Variants in UGT2B28 observed in about 807,000 individuals in gnomAD.
The protein encoded by UGT2B28 is UDP glucuronosyltransferase family 2 member B28.
In UGT2B28, 45 loss-of-function variants were observed where a neutral mutation model predicts 43.6. The observed-to-expected ratio is 1.03, with a 90% confidence interval of 0.81 to 1.32. The LOEUF is 1.32. Among genes scored for constraint, UGT2B28 ranks in the 40% most tolerant of loss-of-function variants. The pLI is 0.00. For missense variants in UGT2B28, 649 were observed against 625.5 expected, an observed-to-expected ratio of 1.04 and a Z score of -0.40; for synonymous variants, 204 against 208.1, an observed-to-expected ratio of 0.98 and a Z score of 0.17.
chr4:69,291,890 T>C lies in UGT2B28; in HGVS notation c.1310+1079T>C, dbSNP rs1723965534. Among the ~76,000 whole-genome samples, 2 of 140,342 alleles carry C rather than the reference T, an allele frequency of 1.4e-5. 1 individual carries two copies. The highest frequency in any genetic ancestry group is 4.8e-4 in the South Asian group (2 of 4,146). 92.1% of individuals were successfully genotyped at this position (140,342 alleles called of 152,430 possible). Reference sequence around the variant, plus strand: ...CTGTTGTCAAACCCCTTATTGTCTGTCTTTTTGTTACAGCCTTCTTAGTGG... The same window carrying C: ...CTGTTGTCAAACCCCTTATTGTCTGCCTTTTTGTTACAGCCTTCTTAGTGG... On this transcript the variant is annotated intron_variant, in intron 5 of 5. Coordinates refer to ENST00000335568, the MANE Select transcript of UGT2B28 (RefSeq NM_053039.2).
chr4:69,285,395 G>C (rs1364186505), intron 2 of UGT2B28, among the ~76,000 whole-genome samples: 1 of 139,478 alleles, frequency 7.2e-6, no homozygotes, highest in East Asian at 2.0e-4. Flanking sequence ...TATCAGTGAT[G>C]AATCTCTAAA....
rs576828617 is a variant in UGT2B28 at position 69,288,055 on chromosome 4, A to T, written c.1002+1172A>T. Among the ~76,000 whole-genome samples, 169 of 140,214 alleles carry T rather than the reference A, an allele frequency of 1.2e-3. 22 individuals carry two copies. The highest frequency in any genetic ancestry group is 2.0e-3 in the Non-Finnish European group (129 of 65,692). 92.0% of individuals were successfully genotyped at this position (140,214 alleles called of 152,430 possible). ...CTTTGTAGCACGTTGTCTAAGTGAT[A>T]ATAATCAGTTGACCAAATTCAGCAA... On this transcript the variant is annotated intron_variant, in intron 3 of 5. Transcript: ENST00000335568.
intron 3 of UGT2B28, among the ~76,000 whole-genome samples, chr4:69,289,224 C>A (rs1723871837): frequency 7.2e-6 from 1 of 139,468 alleles, no homozygotes; most frequent in Non-Finnish European, 1.5e-5. Context: ...ATAAGCATTC[C>A]TTTTCTATAC....
At position 69,285,673 on chromosome 4, in the gene UGT2B28, C is replaced by A. The variant is rs1027765427; in HGVS notation, c.871-1079C>A. On this transcript the variant is annotated intron_variant, in intron 2 of 5. Transcript: ENST00000335568. The stretch of plus-strand genomic sequence containing the variant: ...ATTTTTTTCTTTGTTTTGTTAAAAA[C>A]CATTTGGAAAAGTTTTACCCCAATG... 2.2e-4 allele frequency among the ~76,000 whole-genome samples: 31 copies of A among 141,318 alleles called. 2 individuals are homozygous for A. The highest frequency in any genetic ancestry group is 8.3e-4 in the African/African-American group (30 of 36,256). The allele number at this position is 141,318 out of a possible 152,430, so 92.7% of individuals were successfully genotyped here.
At chr4:69,288,568 T>G (rs1425526585) in intron 3 of UGT2B28, among the ~76,000 whole-genome samples, 1 of 140,154 alleles carries the variant, frequency 7.1e-6, no homozygotes, top group Non-Finnish European at 1.5e-5. Flanking sequence ...TTTATAATAT[T>G]TTTATTTTTT....
chr4:69,282,374 T>A (rs554546450), intron 1 of UGT2B28, 140 bp from the exon 2 acceptor site: 1 of 739,690 alleles, frequency 1.4e-6, no homozygotes, highest in East Asian at 3.8e-5. Flanking sequence ...ATTATTCATA[T>A]ACATGAATAT....
intron 1 of UGT2B28, among the ~76,000 whole-genome samples, chr4:69,282,062 TGAA>T (rs1419648093): frequency 7.1e-6 from 1 of 140,044 alleles, no homozygotes; most frequent in Non-Finnish European, 1.5e-5. Flanking sequence ...CGAGTTCACT[TGAA>T]GAACCAAAGA....
chr4:69,281,050 A>T lies in UGT2B28; in HGVS notation c.550A>T (p.Ser184Cys). ...TCCTGGCTACACAATTGAAAGGCAC[A>T]GTGGAGGACTGATTTTCCCTCCTTC... ...FTPGYTIERH[S>C]GGLIFPPSYI... Residue 184 changes from serine (S) to cysteine (C), a missense_variant, in exon 1 of 6, where the codon AGT (serine) becomes TGT (cysteine). Transcript: ENST00000335568. 6.4e-7 allele frequency: 1 copy of T among 1,559,518 alleles called. No individual in the cohort carries two copies. The highest frequency in any genetic ancestry group is 8.7e-7 in the Non-Finnish European group (1 of 1,155,312).
chr4:69,282,611 C>G lies in UGT2B28; in HGVS notation c.819C>G (p.Asn273Lys), dbSNP rs147973304. ...AATTTCCTCATCCATTCTTACCAAA[C>G]ATTGATTTTGTTGGAGGACTCCACT... is the stretch of plus-strand genomic sequence containing the variant. The part of the protein sequence containing the change: ...SFQFPHPFLP[N>K]IDFVGGLHCK... Residue 273 changes from asparagine to lysine, a missense_variant, in exon 2 of 6, where the codon AAC (asparagine) becomes AAG (lysine). By Grantham distance (94) the Asn-to-Lys change is moderately conservative. Coordinates refer to ENST00000335568, the MANE Select transcript of UGT2B28 (RefSeq NM_053039.2). The G allele has an allele frequency of 5.1e-6, 8 of 1,555,476 alleles. 2 individuals are homozygous for G. In the South Asian group the frequency reaches 9.6e-5, roughly 19 times the overall value.
chr4:69,282,723 A>G (rs1296119614), intron 2 of UGT2B28, 61 bp downstream of exon 2: 2 of 1,506,396 alleles, frequency 1.3e-6, no homozygotes, highest in African/African-American at 1.6e-5. Context: ...AAATGAGTCT[A>G]TAGCCTTCAT....
At chr4:69,284,861 C>T (rs1481897784) in intron 2 of UGT2B28, among the ~76,000 whole-genome samples, 1 of 140,042 alleles carries the variant, frequency 7.1e-6, no homozygotes, top group Non-Finnish European at 1.5e-5. Flanking sequence ...ACTTGACAAA[C>T]TGCATCAAGT....
Position 69,290,575 on chromosome 4 carries a change from A to C in UGT2B28, c.1091-17A>C, listed in dbSNP as rs770678801. The C allele has an allele frequency of 2.2e-5, 34 of 1,540,038 alleles. 4 individuals are homozygous for C. In the East Asian group the frequency reaches 6.7e-4, roughly 30 times the overall value. ...TTATTCCTATGAATAATTTTGCTAAAATTCATCCAATCCTAGGTCTTCCAA... is the reference window on the plus strand; with the variant it reads ...TTATTCCTATGAATAATTTTGCTAACATTCATCCAATCCTAGGTCTTCCAA... On this transcript the variant is annotated splice_polypyrimidine_tract_variant and intron_variant, in intron 4 of 5. Coordinates refer to ENST00000335568, the MANE Select transcript of UGT2B28 (RefSeq NM_053039.2).
At position 69,294,691 on chromosome 4, in the gene UGT2B28, T is replaced by C; in HGVS notation, c.1472T>C (p.Leu491Ser). The change falls in exon 6 of 6, where the codon TTG (leucine) becomes TCG (serine). Residue 491 changes from leucine to serine, a missense_variant. Coordinates refer to ENST00000335568, the MANE Select transcript of UGT2B28 (RefSeq NM_053039.2). ...CTCACCTGGTTCCAGTACCACTCTT[T>C]GGATGTGATTGGGTTTCTGCTGGCC... The part of the protein sequence containing the change: ...RDLTWFQYHS[L>S]DVIGFLLACV... The C allele has an allele frequency of 6.4e-7, 1 of 1,560,072 alleles. No individual in the cohort carries two copies. Among genetic ancestry groups the C allele is most frequent in the Non-Finnish European group, 8.7e-7 (1 of 1,155,390 alleles).
At chr4:69,290,839 T>A in intron 5 of UGT2B28, 28 bp downstream of exon 5, 6 of 1,545,590 alleles carry the variant, frequency 3.9e-6, no homozygotes, top group Non-Finnish European at 5.2e-6. Context: ...TTTCACTAGG[T>A]GGTATTTGTA....
rs1442546622 is a variant in UGT2B28 at position 69,293,298 on chromosome 4, G to GTGAT, written c.1311-1231_1311-1228dup. On this transcript the variant is annotated intron_variant, in intron 5 of 5. Coordinates refer to ENST00000335568, the MANE Select transcript of UGT2B28 (RefSeq NM_053039.2). Reference sequence around the variant, plus strand: ...AAAAGGGAGTTATTCTAGGCAGATTGTGATAGCCTATACCACGACCTGAAC... The same window carrying GTGAT: ...AAAAGGGAGTTATTCTAGGCAGATTGTGATTGATAGCCTATACCACGACCTGAAC... Among the ~76,000 whole-genome samples, 6 of 140,758 alleles carry GTGAT rather than the reference G, an allele frequency of 4.3e-5. 1 individual carries two copies. The South Asian group carries it at 7.1e-4, about 17-fold the overall frequency. 92.3% of individuals were successfully genotyped at this position (140,758 alleles called of 152,430 possible).
intron 3 of UGT2B28, 132 bp from the exon 4 acceptor site, chr4:69,289,533 T>C: frequency 1.2e-6 from 1 of 838,316 alleles, no homozygotes; most frequent in Non-Finnish European, 1.7e-6. Flanking sequence ...GTGAGTATTG[T>C]TTTTACATCA....
chr4:69,290,544 C>G lies in UGT2B28; in HGVS notation c.1091-48C>G, dbSNP rs1449348716. The G allele has an allele frequency of 3.9e-6, 6 of 1,530,392 alleles. No homozygotes were observed. The East Asian group carries it at 9.2e-5, about 24-fold the overall frequency. The allele number at this position is 1,530,392 out of a possible 1,614,324, so 94.8% of individuals were successfully genotyped here. The stretch of plus-strand genomic sequence containing the variant: ...ACTTTCAGAGCATTTCATTGTGTAT[C>G]GCATTTTATTCCTATGAATAATTTT... On this transcript the variant is annotated intron_variant, in intron 4 of 5. Coordinates refer to ENST00000335568, the MANE Select transcript of UGT2B28 (RefSeq NM_053039.2).
In UGT2B28 at chr4:69,291,996, T is replaced by C. The variant is rs529403648; in HGVS notation, c.1310+1185T>C. 6.4e-5 allele frequency among the ~76,000 whole-genome samples: 9 copies of C among 140,546 alleles called. 1 individual carries two copies. In the East Asian group the frequency reaches 8.1e-4, roughly 13 times the overall value. 92.2% of individuals were successfully genotyped at this position (140,546 alleles called of 152,430 possible). ...TGTTGAGAACATTTATAAGTGCTTA[T>C]TGATCATTCATATATCTTCTTAGAA... On this transcript the variant is annotated intron_variant, in intron 5 of 5. Transcript: ENST00000335568.
chr4:69,290,823 A>T lies in UGT2B28; in HGVS notation c.1310+12A>T. The T allele has an allele frequency of 1.3e-6, 2 of 1,552,358 alleles. 1 individual carries two copies. The highest frequency in any genetic ancestry group is 1.7e-6 in the Non-Finnish European group (2 of 1,150,784). On this transcript the variant is annotated intron_variant, in intron 5 of 5. Transcript: ENST00000335568. ...ATTAATGATCCTTCGTGAGTAGAACAGTATTTTTCACTAGGTGGTATTTGT... is the reference window on the plus strand; with the variant it reads ...ATTAATGATCCTTCGTGAGTAGAACTGTATTTTTCACTAGGTGGTATTTGT...
Sources: gnomAD v4.1 joint callset for allele counts (sites outside exome capture counted in the v4.1 genomes callset) on GRCh38, gnomAD v4.1.1 for gene constraint, MANE v1.5 for transcripts, NCBI Gene and HGNC (gene_info 2026-07-23, HGNC 2026-07-21) for gene names.